The following PANK4 variants were observed in gnomAD, a reference collection of about 807,000 sequenced individuals.
PANK4 encodes the protein 4'-phosphopantetheine phosphatase.
A neutral mutation model predicts 87.9 loss-of-function variants in PANK4; 40 were observed. The observed-to-expected ratio is 0.46, with a 90% CI of 0.35 to 0.59. PANK4 has a LOEUF of 0.59. PANK4 is among the 20% of genes least tolerant of loss of function. The pLI is 0.00. For missense variants in PANK4, 926 were observed against 1,072.3 expected (o/e 0.86, Z 1.90); for synonymous variants, 524 against 467.4 (o/e 1.12, Z -1.56).
intron 10 of PANK4, 102 bp from the exon 11 acceptor site, chr1:2,514,568 G>C (rs1299258820): frequency 2.9e-6 from 2 of 685,288 alleles, no homozygotes; most frequent in South Asian, 3.4e-5. Flanking sequence ...GGTCGGCCGT[G>C]GGGGACTGTC....
chr1:2,513,239 AG>A (rs940211379), intron 12 of PANK4, among the ~76,000 whole-genome samples, 200 bp from the exon 13 acceptor site: 1 of 152,240 alleles, frequency 6.6e-6, no homozygotes, highest in African/African-American at 2.4e-5. Flanking sequence ...GACGAGGCCC[AG>A]GACAACTTCA....
Position 2,520,907 on chromosome 1 carries a change from C to G in PANK4, c.423-1G>C. 6.5e-7 allele frequency: 1 copy of G among 1,545,236 alleles called. No individual in the cohort carries two copies. The highest frequency in any genetic ancestry group is 8.7e-7 in the Non-Finnish European group (1 of 1,147,678). ...CGTCATCACGTCCTCCTTGTCGACTCTGAAAAGGAAGCGCCAACCCCTTAA... is the reference window on the plus strand; with the variant it reads ...CGTCATCACGTCCTCCTTGTCGACTGTGAAAAGGAAGCGCCAACCCCTTAA... On this transcript the variant is annotated splice_acceptor_variant, in intron 3 of 18. Coordinates refer to ENST00000378466, the MANE Select transcript of PANK4 (RefSeq NM_018216.4). LOFTEE classifies it high-confidence loss of function. This position sits in a 1 kb window ranked among gnomAD's most constrained non-coding sequence, Gnocchi z 6.2.
Position 2,511,330 on chromosome 1 carries a change from C to T in PANK4, c.1833+8G>A. The stretch of plus-strand genomic sequence containing the variant: ...CCAGCAGCAGAGGTGGGAGGCCCCT[C>T]CACATACCTTTAATCTCTGAAGCCA... On this transcript the variant is annotated splice_region_variant and intron_variant, in intron 15 of 18. Coordinates refer to ENST00000378466, the MANE Select transcript of PANK4 (RefSeq NM_018216.4). The T allele has an allele frequency of 6.2e-7, 1 of 1,603,284 alleles. No homozygotes were observed. Among genetic ancestry groups the T allele is most frequent in the Non-Finnish European group, 8.5e-7 (1 of 1,171,292 alleles).
chr1:2,517,529 G>A (rs930841767), intron 9 of PANK4, among the ~76,000 whole-genome samples: 18 of 152,236 alleles, frequency 1.2e-4, no homozygotes, highest in East Asian at 3.8e-4. Flanking sequence ...CCTGTGACAC[G>A]GGGCGGTTCC....
In PANK4 at chr1:2,519,391, G is replaced by A. The variant is rs868224023; in HGVS notation, c.854-67C>T. The A allele has an allele frequency of 2.0e-5, 17 of 839,710 alleles. No homozygotes were observed. Among genetic ancestry groups the A allele is most frequent in the Middle Eastern group, 2.9e-4 (1 of 3,440 alleles). The allele number at this position is 839,710 out of a possible 1,614,324, so 52.0% of individuals were successfully genotyped here. ...AAGTGCACGACATGAGAGCGAGCAG[G>A]AGGGGAGGGGGAGAGAGAGCTGAGT... On this transcript the variant is annotated intron_variant, in intron 6 of 18. Transcript: ENST00000378466. This position sits in a 1 kb window ranked among gnomAD's most constrained non-coding sequence, Gnocchi z 8.3.
rs1053529591 is a variant in PANK4 at position 2,515,048 on chromosome 1, G to A, written c.1374+514C>T. On this transcript the variant is annotated intron_variant, in intron 10 of 18. Transcript: ENST00000378466. This position sits in a 1 kb window ranked among gnomAD's most constrained non-coding sequence, Gnocchi z 5.0. ...TCTCCGAGGGCTTCGTGAAGAGTGC[G>A]TGTTGCTACCGGGGCTCCCTGGCCC... is the stretch of plus-strand genomic sequence containing the variant. 6.6e-6 allele frequency among the ~76,000 whole-genome samples: 1 copy of A among 152,202 alleles called. No homozygotes were observed. The highest frequency in any genetic ancestry group is 6.5e-5 in the Admixed American group (1 of 15,292).
chr1:2,510,753 G>A lies in PANK4; in HGVS notation c.1863C>T (p.Phe621=), dbSNP rs1463718805. The change falls in exon 16 of 19, where the codon TTC becomes TTT. Residue 621 remains phenylalanine (F), a synonymous_variant. Transcript: ENST00000378466. The surrounding 1 kb of genome is among the most constrained non-coding windows in gnomAD (Gnocchi z 4.9). ...KGPPHKCALI[F]ADNSGIDIIL... ...TGATGTCTATTCCACTGTTATCTGC[G>A]AAAATTAAGGCACATTTATGAGGGG... The A allele has an allele frequency of 1.9e-6, 3 of 1,611,820 alleles. No individual in the cohort carries two copies. The highest frequency in any genetic ancestry group is 1.1e-5 in the South Asian group (1 of 91,062).
intron 10 of PANK4, among the ~76,000 whole-genome samples, 176 bp from the exon 11 acceptor site, chr1:2,514,642 G>C (rs1643731455): frequency 7.4e-6 from 1 of 134,824 alleles, no homozygotes; most frequent in Non-Finnish European, 1.6e-5. Flanking sequence ...GTCGGGGGCT[G>C]TTTGGGGCAG....
intron 1 of PANK4, chr1:2,525,700 A>C (rs1459566115): frequency 6.6e-6 from 1 of 152,248 alleles, no homozygotes; most frequent in Non-Finnish European, 1.5e-5. Context: ...GCGTGGGAAA[A>C]AGGTCTAGAA....
Position 2,512,992 on chromosome 1 carries a change from G to A in PANK4, c.1623C>T (p.Val541=), listed in dbSNP as rs752274564. The A allele has an allele frequency of 6.8e-6, 11 of 1,611,044 alleles. No individual in the cohort carries two copies. Among genetic ancestry groups the A allele is most frequent in the Admixed American group, 1.7e-5 (1 of 59,932 alleles). ...AGCCCAGCGCGTCCAGGGAGCGCAC[G>A]ACCCCGGGGAAGCACCTCAGCGCCA... ...NGVALRCFPG[V]VRSLDALGWE... is the part of the protein sequence containing the mutation. The change falls in exon 13 of 19, where the codon GTC becomes GTT. Residue 541 remains valine, a synonymous_variant. Transcript: ENST00000378466.
In PANK4 at chr1:2,519,790, G is replaced by A. The variant is rs140815099; in HGVS notation, c.853+11C>T. 9,649 of 1,568,970 alleles carry A rather than the reference G, an allele frequency of 6.1e-3. 25 individuals are homozygous for A. The highest frequency in any genetic ancestry group is 7.2e-3 in the Non-Finnish European group (8,329 of 1,158,696). On this transcript the variant is annotated intron_variant, in intron 6 of 18. Coordinates refer to ENST00000378466, the MANE Select transcript of PANK4 (RefSeq NM_018216.4). This position sits in a 1 kb window ranked among gnomAD's most constrained non-coding sequence, Gnocchi z 8.3. ...ATCCTGCTCTCTGGCGGCAGAGGCC[G>A]GGGTGAGCACCTTGGTCGGCGGTGG...
rs1467816684 is a variant in PANK4 at position 2,519,402 on chromosome 1, G to A, written c.854-78C>T. ...ATGAGAGCGAGCAGGAGGGGAGGGG[G>A]AGAGAGAGCTGAGTGGGAGGGGAGG... On this transcript the variant is annotated intron_variant, in intron 6 of 18. Coordinates refer to ENST00000378466, the MANE Select transcript of PANK4 (RefSeq NM_018216.4). The surrounding 1 kb of genome is among the most constrained non-coding windows in gnomAD (Gnocchi z 8.3). 2.0e-6 allele frequency: 1 copy of A among 492,888 alleles called. No homozygotes were observed. The highest frequency in any genetic ancestry group is 1.0e-4 in the East Asian group (1 of 9,758). 30.5% of individuals were successfully genotyped at this position (492,888 alleles called of 1,614,324 possible). A position where few individuals can be genotyped will look rare whatever the true frequency, so the allele number is the denominator to read the frequency against.
rs113965139 is a variant in PANK4, at chr1:2,520,237, T to C, written c.699+85A>G. ...CAGGAGGGAGGCCCGGAAGCAGCTT[T>C]TGCACCGCCCAGCTGCAGGCCTTCG... On this transcript the variant is annotated intron_variant, in intron 5 of 18. Coordinates refer to ENST00000378466, the MANE Select transcript of PANK4 (RefSeq NM_018216.4). This position sits in a 1 kb window ranked among gnomAD's most constrained non-coding sequence, Gnocchi z 6.2. 391 of 1,309,704 alleles carry C rather than the reference T, an allele frequency of 3.0e-4. 1 individual carries two copies. In the African/African-American group the frequency reaches 5.0e-3, roughly 17 times the overall value. The allele number at this position is 1,309,704 out of a possible 1,614,324, so 81.1% of individuals were successfully genotyped here. A position where few individuals can be genotyped will look rare whatever the true frequency, so the allele number is the denominator to read the frequency against.
chr1:2,510,952 G>C lies in PANK4; in HGVS notation c.1834-170C>G, dbSNP rs1643649976. On this transcript the variant is annotated intron_variant, in intron 15 of 18. Coordinates refer to ENST00000378466, the MANE Select transcript of PANK4 (RefSeq NM_018216.4). This position sits in a 1 kb window ranked among gnomAD's most constrained non-coding sequence, Gnocchi z 4.9. ...CAGGGGCCGAGACCAGGGGCTTCAGGGCCCCAGAGGTGCCGGGACTGGGCT... is the reference window on the plus strand; with the variant it reads ...CAGGGGCCGAGACCAGGGGCTTCAGCGCCCCAGAGGTGCCGGGACTGGGCT... Among the ~76,000 whole-genome samples the C allele has an allele frequency of 6.6e-6, 1 of 152,054 alleles. No individual in the cohort carries two copies. Among genetic ancestry groups the C allele is most frequent in the South Asian group, 2.1e-4 (1 of 4,824 alleles).
chr1:2,526,361 CG>C (rs1453522973), intron 1 of PANK4, 102 bp downstream of exon 1: 2 of 663,592 alleles, frequency 3.0e-6, no homozygotes, highest in Admixed American at 6.3e-5. Flanking sequence ...GCGCGAGGCC[CG>C]CGCCCCCGCC....
chr1:2,515,979 G>A lies in PANK4; in HGVS notation c.1219-262C>T. ...CTCCTGCCCCCAGCACCTCCCCGCTGCAGCCACACCTCCCCAATCACCGCT... is the reference window on the plus strand; with the variant it reads ...CTCCTGCCCCCAGCACCTCCCCGCTACAGCCACACCTCCCCAATCACCGCT... On this transcript the variant is annotated intron_variant, in intron 9 of 18. Coordinates refer to ENST00000378466, the MANE Select transcript of PANK4 (RefSeq NM_018216.4). The surrounding 1 kb of genome is among the most constrained non-coding windows in gnomAD (Gnocchi z 5.0). 1 of 547,918 alleles carries A rather than the reference G, an allele frequency of 1.8e-6. No individual in the cohort carries two copies. The highest frequency in any genetic ancestry group is 3.3e-6 in the Non-Finnish European group (1 of 304,904). The allele number at this position is 547,918 out of a possible 1,614,324, so 33.9% of individuals were successfully genotyped here.
rs1643617924 is a variant in PANK4, at chr1:2,509,152, C to G, written c.2109-92G>C. The G allele has an allele frequency of 2.0e-6, 2 of 981,392 alleles. No individual in the cohort carries two copies. Among genetic ancestry groups the G allele is most frequent in the Admixed American group, 4.7e-5 (2 of 42,466 alleles). 60.8% of individuals were successfully genotyped at this position (981,392 alleles called of 1,614,324 possible). A position where few individuals can be genotyped will look rare whatever the true frequency, so the allele number is the denominator to read the frequency against. ...GGCGACCAACGTGAAGGCTGAAACCCCTACCGCTCAATTCCCTGATGTGGA... is the reference window on the plus strand; with the variant it reads ...GGCGACCAACGTGAAGGCTGAAACCGCTACCGCTCAATTCCCTGATGTGGA... On this transcript the variant is annotated intron_variant, in intron 18 of 18. Coordinates refer to ENST00000378466, the MANE Select transcript of PANK4 (RefSeq NM_018216.4). This position sits in a 1 kb window ranked among gnomAD's most constrained non-coding sequence, Gnocchi z 4.9.
rs754276055 is a variant in PANK4 at position 2,521,186 on chromosome 1, C to G, written c.337G>C (p.Val113Leu). The G allele has an allele frequency of 6.2e-7, 1 of 1,613,862 alleles. No individual in the cohort carries two copies. The highest frequency in any genetic ancestry group is 8.5e-7 in the Non-Finnish European group (1 of 1,180,010). ...ACLDFIKDHLVNTETKVIQAT... is the reference protein window; with the variant it reads ...ACLDFIKDHLLNTETKVIQAT... ...TGGATGACCTTGGTCTCTGTGTTGA[C>G]GAGATGGTCTTTGATGAAGTCCAGG... Residue 113 changes from valine to leucine, a missense_variant, in exon 3 of 19, where the codon GTC becomes CTC. Transcript: ENST00000378466.
At position 2,515,472 on chromosome 1, in the gene PANK4, C is replaced by T. The variant is rs927665993; in HGVS notation, c.1374+90G>A. On this transcript the variant is annotated intron_variant, in intron 10 of 18. Coordinates refer to ENST00000378466, the MANE Select transcript of PANK4 (RefSeq NM_018216.4). The surrounding 1 kb of genome is among the most constrained non-coding windows in gnomAD (Gnocchi z 5.0). Reference sequence around the variant, plus strand: ...TTTCTGGACAACACTGGCCTGTCCCCCTTCGCCACCTTGGCTTTGCCCCCG... The same window carrying T: ...TTTCTGGACAACACTGGCCTGTCCCTCTTCGCCACCTTGGCTTTGCCCCCG... 307 of 1,395,028 alleles carry T rather than the reference C, an allele frequency of 2.2e-4. No homozygotes were observed. The highest frequency in any genetic ancestry group is 2.8e-4 in the Non-Finnish European group (279 of 986,334). The allele number at this position is 1,395,028 out of a possible 1,614,324, so 86.4% of individuals were successfully genotyped here. A position where few individuals can be genotyped will look rare whatever the true frequency, so the allele number is the denominator to read the frequency against.
Sources: allele counts gnomAD v4.1 joint callset (sites outside exome capture counted in the v4.1 genomes callset), GRCh38; gene constraint gnomAD v4.1.1; non-coding constraint Gnocchi (gnomAD v3.1); transcripts MANE v1.5; gene names NCBI Gene and HGNC (gene_info 2026-07-23, HGNC 2026-07-21).